Variants in AATK observed in about 807,000 individuals in gnomAD.
The protein encoded by AATK is serine/threonine-protein kinase LMTK1.
In AATK, 91 loss-of-function variants were observed where a neutral mutation model predicts 114.3. The observed-to-expected ratio is 0.80, with a 90% CI of 0.67 to 0.95. The LOEUF (loss-of-function observed/expected upper bound fraction) is 0.95, where lower values mean the gene tolerates loss of function less well. Ranked by LOEUF, AATK falls within the 40% of genes least tolerant of loss-of-function variation. The pLI, the probability that AATK is intolerant of heterozygous loss-of-function variation, is 0.00. For synonymous variants in AATK, 1,075 were observed against 916.5 expected, an observed-to-expected ratio of 1.17 and a Z score of -3.12; for missense variants, 2,176 against 1,965.2, an observed-to-expected ratio of 1.11 and a Z score of -2.03.
chr17:81,119,346 G>GTGCCCTACCTCTCGCC, intron 13 of AATK, 34 bp downstream of exon 13: 5 of 1,536,478 alleles, frequency 3.3e-6, no homozygotes, highest in Non-Finnish European at 4.4e-6. Context: ...TGCCTCCCGC[G>GTGCCCTACCTCTCGCC]TGCCCTTCTG....
At chr17:81,137,746 C>T (rs903799824) in intron 1 of AATK, among the ~76,000 whole-genome samples, 3 of 152,044 alleles carry the variant, frequency 2.0e-5, no homozygotes, top group Non-Finnish European at 2.9e-5. Flanking sequence ...TACATGCACA[C>T]GTAGCATGCA....
In AATK at chr17:81,121,309, C is replaced by G. The variant is rs532042515; in HGVS notation, c.2627G>C (p.Ser876Thr). ...ATSGIFTDTS[S>T]DGLQARRPDV... is the part of the protein sequence containing the mutation. ...CGGCCTCCTGGCCTGCAGGCCGTCG[C>G]TGGACGTGTCGGTGAAGATGCCTGA... is the stretch of plus-strand genomic sequence containing the variant. The change falls in exon 11 of 14, where the codon AGC becomes ACC. Residue 876 changes from serine (S) to threonine (T), a missense_variant. Ser to Thr is a moderately conservative substitution (Grantham distance 58). Around this residue, in one of 4 missense-constraint regions of AATK, gnomAD observed 1,701 missense variants for 1,394.7 expected, o/e 1.22. Coordinates refer to ENST00000326724, the MANE Select transcript of AATK (RefSeq NM_001080395.3). The G allele has an allele frequency of 1.2e-6, 2 of 1,611,634 alleles. No homozygotes were observed. Among genetic ancestry groups the G allele is most frequent in the Non-Finnish European group, 1.7e-6 (2 of 1,179,734 alleles).
Position 81,126,400 on chromosome 17 carries a change from C to T in AATK, c.755+27G>A, listed in dbSNP as rs150624818. 2,727 of 1,543,794 alleles carry T rather than the reference C, an allele frequency of 1.8e-3. 38 individuals carry two copies. In the African/African-American group the frequency reaches 0.032, roughly 18 times the overall value. On this transcript the variant is annotated intron_variant, in intron 7 of 13. Coordinates refer to ENST00000326724, the MANE Select transcript of AATK (RefSeq NM_001080395.3). The surrounding 1 kb of genome is among the most constrained non-coding windows in gnomAD (Gnocchi z 5.1). Reference sequence around the variant, plus strand: ...GGGAGGGGCCTGGCCTAGGGCTTCCCGGCCGCTGGCCCGCGCCCGCCCTCA... The same window carrying T: ...GGGAGGGGCCTGGCCTAGGGCTTCCTGGCCGCTGGCCCGCGCCCGCCCTCA...
At chr17:81,136,862 C>A (rs963673898) in intron 1 of AATK, among the ~76,000 whole-genome samples, 1 of 152,198 alleles carries the variant, frequency 6.6e-6, no homozygotes, top group Non-Finnish European at 1.5e-5. Flanking sequence ...CGGTCAGTTT[C>A]TGGAGCCCCT....
Position 81,124,825 on chromosome 17 carries a change from G to A in AATK, c.864C>T (p.Asp288=). The part of the protein sequence containing the change: ...KYREDYFVTA[D]QLWVPLRWIA... Reference sequence around the variant, plus strand: ...TCCAGCGCAGAGGCACCCACAGCTGGTCGGCAGTCACGAAGTAGTCCTCCT... The same window carrying A: ...TCCAGCGCAGAGGCACCCACAGCTGATCGGCAGTCACGAAGTAGTCCTCCT... Residue 288 remains aspartate, a synonymous_variant, in exon 9 of 14, where the codon GAC becomes GAT. Transcript: ENST00000326724. The A allele has an allele frequency of 6.2e-7, 1 of 1,611,892 alleles. No individual in the cohort carries two copies. The highest frequency in any genetic ancestry group is 8.5e-7 in the Non-Finnish European group (1 of 1,179,392).
chr17:81,138,455 G>GCA (rs139901979), intron 1 of AATK, among the ~76,000 whole-genome samples: 126,817 of 146,072 alleles, frequency 0.87, 55,375 homozygotes, highest in East Asian at 0.99. Flanking sequence ...AGATGCATGT[G>GCA]CACACACACC....
At chr17:81,155,705 T>TA (rs112326027) in intron 1 of AATK, among the ~76,000 whole-genome samples, 24,083 of 151,052 alleles carry the variant, frequency 0.16, 2,832 homozygotes, top group African/African-American at 0.33. Flanking sequence ...TTTTTTTTTT[T>TA]AATAAGGTCT....
chr17:81,164,132 C>T (rs937447481), intron 1 of AATK, among the ~76,000 whole-genome samples: 1 of 152,232 alleles, frequency 6.6e-6, no homozygotes, highest in Non-Finnish European at 1.5e-5. Context: ...GCACTGAGCC[C>T]ACCCGGGCCT....
chr17:81,137,290 C>A (rs947905960), intron 1 of AATK, among the ~76,000 whole-genome samples: 2 of 152,026 alleles, frequency 1.3e-5, no homozygotes, highest in Admixed American at 1.3e-4. Context: ...ACTACCACCC[C>A]ACTTTGCAGA....
Position 81,121,967 on chromosome 17 carries a change from G to A in AATK, c.1969C>T (p.Pro657Ser), listed in dbSNP as rs760756271. 1 of 1,599,762 alleles carries A rather than the reference G, an allele frequency of 6.3e-7. No homozygotes were observed. Among genetic ancestry groups the A allele is most frequent in the Non-Finnish European group, 8.5e-7 (1 of 1,177,098 alleles). Reference sequence around the variant, plus strand: ...TCTAGCTCATCCTCGCCAGTCAGCGGCAGCGGGGGCGCCCCTGAGCTCCCC... The same window carrying A: ...TCTAGCTCATCCTCGCCAGTCAGCGACAGCGGGGGCGCCCCTGAGCTCCCC... Reference protein sequence around the residue: ...PLGSSGAPPLPLTGEDELEEV... With the variant: ...PLGSSGAPPLSLTGEDELEEV... Residue 657 changes from proline (P) to serine (S), a missense_variant, in exon 11 of 14, where the codon CCG (proline) becomes TCG (serine). By Grantham distance (74) the Pro-to-Ser change is moderately conservative. Transcript: ENST00000326724.
chr17:81,137,664 A>G (rs2061032859), intron 1 of AATK, among the ~76,000 whole-genome samples: 1 of 152,126 alleles, frequency 6.6e-6, no homozygotes, highest in African/African-American at 2.4e-5. Flanking sequence ...CAGCACACAA[A>G]TGCCCACGTA....
chr17:81,131,893 G>C (rs748499559), intron 2 of AATK: 2 of 1,329,998 alleles, frequency 1.5e-6, no homozygotes, highest in South Asian at 1.2e-5. Context: ...TTTACCCTGG[G>C]CAGCCCACCT....
intron 9 of AATK, among the ~76,000 whole-genome samples, chr17:81,123,563 C>T (rs1234268743): frequency 6.6e-6 from 1 of 152,240 alleles, no homozygotes; most frequent in African/African-American, 2.4e-5. Context: ...GTGGAGCCTG[C>T]ACATAAAGGC....
chr17:81,126,404 C>T lies in AATK; in HGVS notation c.755+23G>A, dbSNP rs775457717. Reference sequence around the variant, plus strand: ...GGGGCCTGGCCTAGGGCTTCCCGGCCGCTGGCCCGCGCCCGCCCTCACCTG... The same window carrying T: ...GGGGCCTGGCCTAGGGCTTCCCGGCTGCTGGCCCGCGCCCGCCCTCACCTG... On this transcript the variant is annotated intron_variant, in intron 7 of 13. Transcript: ENST00000326724. The surrounding 1 kb of genome is among the most constrained non-coding windows in gnomAD (Gnocchi z 5.1). 4.3e-5 allele frequency: 67 copies of T among 1,547,546 alleles called. No individual in the cohort carries two copies. Among genetic ancestry groups the T allele is most frequent in the East Asian group, 1.7e-4 (7 of 41,118 alleles).
At chr17:81,141,107 G>T (rs917412604) in intron 1 of AATK, among the ~76,000 whole-genome samples, 38 of 151,990 alleles carry the variant, frequency 2.5e-4, no homozygotes, top group Non-Finnish European at 4.3e-4. Flanking sequence ...AAAGGCCAGG[G>T]GTGGACTCTC....
At chr17:81,138,472 C>T (rs2061060673) in intron 1 of AATK, among the ~76,000 whole-genome samples, 1 of 150,412 alleles carries the variant, frequency 6.6e-6, no homozygotes. Flanking sequence ...CACCCACCCA[C>T]ATGCACACAT....
chr17:81,158,918 C>T (rs1444166117), intron 1 of AATK, among the ~76,000 whole-genome samples: 1 of 152,212 alleles, frequency 6.6e-6, no homozygotes, highest in African/African-American at 2.4e-5. Context: ...CACACACCAG[C>T]ACCCCTGATC....
At position 81,121,533 on chromosome 17, in the gene AATK, G is replaced by T. The variant is rs2060699724; in HGVS notation, c.2403C>A (p.Ser801=). Residue 801 remains serine, a synonymous_variant, in exon 11 of 14, where the codon TCC becomes TCA. Coordinates refer to ENST00000326724, the MANE Select transcript of AATK (RefSeq NM_001080395.3). ...GPRLPLPSVP[S]PSQEGAPLPS... is the part of the protein sequence containing the mutation. ...GAAGTGGGGCTCCCTCCTGGGATGG[G>T]GAGGGGACGGAAGGAAGGGGCAGGC... is the stretch of plus-strand genomic sequence containing the variant. 6.5e-7 allele frequency: 1 copy of T among 1,538,444 alleles called. No homozygotes were observed.
At chr17:81,165,490 G>T (rs2061475620) in intron 1 of AATK, 1 of 481,028 alleles carries the variant, frequency 2.1e-6, no homozygotes, top group African/African-American at 2.0e-5. Context: ...GCTGCTGGTG[G>T]CTGGGCAGGG....
Sources: allele counts gnomAD v4.1 joint callset (sites outside exome capture counted in the v4.1 genomes callset), GRCh38; gene constraint gnomAD v4.1.1; regional missense constraint gnomAD v4.1.1; non-coding constraint Gnocchi (gnomAD v3.1); transcripts MANE v1.5; gene names NCBI Gene and HGNC (gene_info 2026-07-23, HGNC 2026-07-21).